Variants in ITK observed in about 807,000 individuals in gnomAD.
ITK encodes IL2 inducible T cell kinase.
ITK carries 45 observed loss-of-function variants against 87.6 expected under a neutral mutation model. The ratio of observed to expected loss-of-function variants is 0.51; its 90% CI spans 0.40 to 0.66. The LOEUF (loss-of-function observed/expected upper bound fraction) is 0.66, where lower values mean the gene tolerates loss of function less well. Among genes scored for constraint, ITK ranks in the 30% least tolerant of loss-of-function variants. The pLI is 0.00. For missense variants in ITK, 605 were observed against 766.3 expected (o/e 0.79, Z 2.48); for synonymous variants, 303 against 273.6 (o/e 1.11, Z -1.06).
chr5:157,231,889 A>G (rs35654903), intron 7 of ITK, among the ~76,000 whole-genome samples: 2,489 of 152,332 alleles, frequency 0.016, 29 homozygotes, highest in Non-Finnish European at 0.027. Context: ...TCAAACTGGT[A>G]TTACAATTTT....
At chr5:157,215,112 A>G (rs372011967) in intron 4 of ITK, among the ~76,000 whole-genome samples, 1 of 152,148 alleles carries the variant, frequency 6.6e-6, no homozygotes. Context: ...TCTGGGGTAC[A>G]TGGCGTGATG....
intron 1 of ITK, among the ~76,000 whole-genome samples, chr5:157,197,940 A>G (rs889624636): frequency 6.6e-6 from 1 of 152,182 alleles, no homozygotes; most frequent in African/African-American, 2.4e-5. Flanking sequence ...AAATGTATTT[A>G]TTCATTTTAG....
intron 3 of ITK, 61 bp from the exon 4 acceptor site, chr5:157,214,130 T>C (rs1754248954): frequency 2.1e-6 from 3 of 1,415,694 alleles, no homozygotes; most frequent in Non-Finnish European, 3.0e-6. Flanking sequence ...TGTTATAAAA[T>C]TGGTAGCCCT....
chr5:157,234,528 G>C (rs1754737207), intron 8 of ITK, among the ~76,000 whole-genome samples: 2 of 152,106 alleles, frequency 1.3e-5, no homozygotes, highest in Non-Finnish European at 2.9e-5. Context: ...TTCCTGCATA[G>C]TATTCCATGG....
chr5:157,243,893 C>T lies in ITK; in HGVS notation c.1232+99C>T, dbSNP rs935555202. The stretch of plus-strand genomic sequence containing the variant: ...AACGCCAGGGGGTACTATCTCCCTG[C>T]GCAAACTCCCAGCAGTGGCTTCCTA... On this transcript the variant is annotated intron_variant, in intron 12 of 16. Coordinates refer to ENST00000422843, the MANE Select transcript of ITK (RefSeq NM_005546.4). 46 of 1,121,718 alleles carry T rather than the reference C, an allele frequency of 4.1e-5. 1 individual carries two copies. Among genetic ancestry groups the T allele is most frequent in the Middle Eastern group, 4.3e-4 (2 of 4,656 alleles). The allele number at this position is 1,121,718 out of a possible 1,614,324, so 69.5% of individuals were successfully genotyped here.
intron 13 of ITK, chr5:157,244,954 G>A (rs1479890988): frequency 2.8e-5 from 6 of 214,346 alleles, no homozygotes; most frequent in Admixed American, 1.6e-4. Flanking sequence ...AGCTGGGTGC[G>A]GTGGCTCATG....
At position 157,245,796 on chromosome 5, in the gene ITK, AG is replaced by A; in HGVS notation, c.1514+7del. ...TCTGACTTTGGGATGACAAGGTAAA[AG>A]AGGGATGTGGTGCCGGTGAAGTCTC... On this transcript the variant is annotated splice_region_variant and intron_variant, in intron 14 of 16. Transcript: ENST00000422843. The A allele has an allele frequency of 6.2e-7, 1 of 1,614,034 alleles. No homozygotes were observed. The highest frequency in any genetic ancestry group is 2.2e-5 in the East Asian group (1 of 44,886).
At chr5:157,220,219 G>A (rs762101908) in intron 5 of ITK, among the ~76,000 whole-genome samples, 5 of 152,174 alleles carry the variant, frequency 3.3e-5, no homozygotes, top group South Asian at 2.1e-4. Flanking sequence ...GGGGTTGGGG[G>A]ATGGCTATTT....
chr5:157,210,580 C>T (rs1264026722), intron 2 of ITK, among the ~76,000 whole-genome samples: 1 of 148,430 alleles, frequency 6.7e-6, no homozygotes, highest in Non-Finnish European at 1.5e-5. Flanking sequence ...TTTTAGGGTA[C>T]ATGTGCACAT....
rs149765018 is a variant in ITK, at chr5:157,253,891, T to C, written c.*1213T>C. The C allele has an allele frequency of 4.5e-6, 1 of 222,640 alleles. No homozygotes were observed. The highest frequency in any genetic ancestry group is 9.0e-6 in the Non-Finnish European group (1 of 111,442). 13.8% of individuals were successfully genotyped at this position (222,640 alleles called of 1,614,324 possible). A position where few individuals can be genotyped will look rare whatever the true frequency, so the allele number is the denominator to read the frequency against. On this transcript the variant is annotated 3_prime_UTR_variant, in exon 17 of 17. Coordinates refer to ENST00000422843, the MANE Select transcript of ITK (RefSeq NM_005546.4). ...AGCACTTCTATATGCAAGGTGAATA[T>C]GTACTGAGCTAGGAGACTTCCCTGC...
At chr5:157,231,947 T>C (rs1420527085) in intron 7 of ITK, among the ~76,000 whole-genome samples, 1 of 152,222 alleles carries the variant, frequency 6.6e-6, no homozygotes, top group Non-Finnish European at 1.5e-5. Flanking sequence ...TCTACTGACT[T>C]ATGAAACGAA....
In ITK at chr5:157,253,589, C is replaced by T. The variant is rs1755189365; in HGVS notation, c.*911C>T. 2 of 228,564 alleles carry T rather than the reference C, an allele frequency of 8.8e-6. No individual in the cohort carries two copies. Among genetic ancestry groups the T allele is most frequent in the African/African-American group, 2.2e-5 (1 of 45,056 alleles). The allele number at this position is 228,564 out of a possible 1,614,324, so 14.2% of individuals were successfully genotyped here. A position where few individuals can be genotyped will look rare whatever the true frequency, so the allele number is the denominator to read the frequency against. ...AGAAGAAATGATTACTTCTGAAAAACATCCTTTTTTCCAGCCTCTGGGAAT... is the reference window on the plus strand; with the variant it reads ...AGAAGAAATGATTACTTCTGAAAAATATCCTTTTTTCCAGCCTCTGGGAAT... On this transcript the variant is annotated 3_prime_UTR_variant, in exon 17 of 17. Coordinates refer to ENST00000422843, the MANE Select transcript of ITK (RefSeq NM_005546.4).
Position 157,208,917 on chromosome 5 carries a change from A to T in ITK, c.167A>T (p.Glu56Val), listed in dbSNP as rs754361306. The change falls in exon 2 of 17, where the codon GAG (glutamate) becomes GTG (valine). Residue 56 changes from glutamate to valine, a missense_variant. Glu to Val is a moderately radical substitution (Grantham distance 121, BLOSUM62 -2). Coordinates refer to ENST00000422843, the MANE Select transcript of ITK (RefSeq NM_005546.4). ...AAGCGCACGCTGAAGGGGTCCATTG[A>T]GCTCTCCCGAATCAAATGTGTTGAG... Reference protein sequence around the residue: ...GKKRTLKGSIELSRIKCVEIV... With the variant: ...GKKRTLKGSIVLSRIKCVEIV... The T allele has an allele frequency of 6.2e-7, 1 of 1,613,864 alleles. No individual in the cohort carries two copies. Among genetic ancestry groups the T allele is most frequent in the East Asian group, 2.2e-5 (1 of 44,882 alleles).
At chr5:157,248,180 G>A (rs1580911151) in intron 15 of ITK, among the ~76,000 whole-genome samples, 1 of 152,182 alleles carries the variant, frequency 6.6e-6, no homozygotes, top group East Asian at 1.9e-4. Flanking sequence ...GAAAAGCTCT[G>A]AATTAGCTGA....
At chr5:157,214,694 G>T (rs184725698) in intron 4 of ITK, among the ~76,000 whole-genome samples, 1 of 152,136 alleles carries the variant, frequency 6.6e-6, no homozygotes, top group African/African-American at 2.4e-5. Flanking sequence ...GCATTTGAAT[G>T]GCATGGTCTA....
intron 3 of ITK, chr5:157,213,683 T>C (rs1227347150): frequency 1.8e-5 from 7 of 387,772 alleles, no homozygotes; most frequent in Non-Finnish European, 3.0e-5. Context: ...CACCCAACTC[T>C]GTTCTGTGCC....
At chr5:157,215,404 C>T (rs924693627) in intron 4 of ITK, among the ~76,000 whole-genome samples, 1 of 152,172 alleles carries the variant, frequency 6.6e-6, no homozygotes, top group African/African-American at 2.4e-5. Flanking sequence ...ACTTTAAAAA[C>T]CACCACTTTT....
At chr5:157,185,306 T>G (rs1018159353) in intron 1 of ITK, among the ~76,000 whole-genome samples, 1 of 151,948 alleles carries the variant, frequency 6.6e-6, no homozygotes, top group Non-Finnish European at 1.5e-5. Context: ...TGGTGCCACC[T>G]TGGTTCACTG....
At chr5:157,200,787 C>T (rs1431431398) in intron 1 of ITK, among the ~76,000 whole-genome samples, 1 of 152,154 alleles carries the variant, frequency 6.6e-6, no homozygotes, top group Non-Finnish European at 1.5e-5. Context: ...CAAAGGAGGC[C>T]ATGTGAGTTG....
Sources: gnomAD v4.1 joint callset for allele counts (sites outside exome capture counted in the v4.1 genomes callset) on GRCh38, gnomAD v4.1.1 for gene constraint, MANE v1.5 for transcripts, NCBI Gene and HGNC (gene_info 2026-07-23, HGNC 2026-07-21) for gene names.